GXYLT2: variants seen among roughly 807,000 people sequenced by gnomAD.
The protein encoded by GXYLT2 is glucoside xylosyltransferase 2.
GXYLT2 carries 53 observed loss-of-function variants against 45.8 expected under a neutral mutation model. The ratio of observed to expected loss-of-function variants is 1.16; its 90% CI spans 0.93 to 1.46. The LOEUF is 1.46. Among genes scored for constraint, GXYLT2 ranks in the 40% most tolerant of loss-of-function variants. GXYLT2 has a pLI of 0.00. For synonymous variants in GXYLT2, 219 were observed against 214.2 expected, an observed-to-expected ratio of 1.02 and a Z score of -0.19; for missense variants, 551 against 544.4, an observed-to-expected ratio of 1.01 and a Z score of -0.12.
At chr3:72,928,900 G>A (rs1440894342) in intron 3 of GXYLT2, 1 of 691,968 alleles carries the variant, frequency 1.4e-6, no homozygotes, top group East Asian at 2.7e-5. Flanking sequence ...TGCTTGGACG[G>A]AACCCGGCGT....
intron 3 of GXYLT2, among the ~76,000 whole-genome samples, chr3:72,953,435 G>T (rs138646648): frequency 6.6e-6 from 1 of 152,000 alleles, no homozygotes; most frequent in East Asian, 1.9e-4. Flanking sequence ...GACTATAGAC[G>T]CATGCCACCA....
At chr3:72,943,843 T>C (rs539193254) in intron 3 of GXYLT2, among the ~76,000 whole-genome samples, 1 of 151,412 alleles carries the variant, frequency 6.6e-6, no homozygotes, top group Non-Finnish European at 1.5e-5. Flanking sequence ...CACCTTTCCA[T>C]TGAGAGCATC....
chr3:72,914,542 TGTGTGC>T (rs1396357372), intron 2 of GXYLT2, among the ~76,000 whole-genome samples: 1 of 151,100 alleles, frequency 6.6e-6, no homozygotes, highest in African/African-American at 2.5e-5. Context: ...TGTGTGTGTG[TGTGTGC>T]GCGCGCGCGC....
intron 2 of GXYLT2, among the ~76,000 whole-genome samples, chr3:72,915,691 G>A (rs1180262051): frequency 6.6e-6 from 1 of 152,046 alleles, no homozygotes; most frequent in Non-Finnish European, 1.5e-5. Flanking sequence ...ACAAAAATTA[G>A]CCCATGTTGT....
chr3:72,975,868 T>TG lies in GXYLT2; in HGVS notation c.*712dup, dbSNP rs1274610970. On this transcript the variant is annotated 3_prime_UTR_variant, in exon 7 of 7. Transcript: ENST00000389617. ...CATCTGAGAGAATCATTCAGATACT[T>TG]GGGTAGTGTTAAAGGATGAAGCATG... is the stretch of plus-strand genomic sequence containing the variant. 1 of 152,060 alleles carries TG rather than the reference T, an allele frequency of 6.6e-6. No individual in the cohort carries two copies. The highest frequency in any genetic ancestry group is 1.5e-5 in the Non-Finnish European group (1 of 68,022). 9.4% of individuals were successfully genotyped at this position (152,060 alleles called of 1,614,324 possible). A position where few individuals can be genotyped will look rare whatever the true frequency, so the allele number is the denominator to read the frequency against.
At chr3:72,952,093 C>G (rs1710539922) in intron 3 of GXYLT2, among the ~76,000 whole-genome samples, 1 of 151,704 alleles carries the variant, frequency 6.6e-6, no homozygotes, top group African/African-American at 2.4e-5. Context: ...ACGCTCACCT[C>G]CCGGGCTCAA....
chr3:72,957,550 G>A lies in GXYLT2; in HGVS notation c.976+198G>A, dbSNP rs1021100004. Among the ~76,000 whole-genome samples, 4 of 152,114 alleles carry A rather than the reference G, an allele frequency of 2.6e-5. No individual in the cohort carries two copies. In the East Asian group the frequency reaches 5.8e-4, roughly 22 times the overall value. ...GGGCCTTGCACTACTGACACAAAAG[G>A]CCAAATGTTGAAACTTCCAACACTG... On this transcript the variant is annotated intron_variant, in intron 5 of 6. Transcript: ENST00000389617.
chr3:72,942,275 A>G (rs997768712), intron 3 of GXYLT2, among the ~76,000 whole-genome samples: 1 of 152,100 alleles, frequency 6.6e-6, no homozygotes, highest in African/African-American at 2.4e-5. Flanking sequence ...TAAAAAAATA[A>G]ATACATAACT....
At chr3:72,965,172 C>T (rs1710840305) in intron 5 of GXYLT2, among the ~76,000 whole-genome samples, 1 of 152,144 alleles carries the variant, frequency 6.6e-6, no homozygotes, top group Non-Finnish European at 1.5e-5. Context: ...AGAGAAATGT[C>T]ACAGTGTGTT....
chr3:72,908,429 C>G lies in GXYLT2; in HGVS notation c.338C>G (p.Ala113Gly). 1 of 1,613,846 alleles carries G rather than the reference C, an allele frequency of 6.2e-7. No homozygotes were observed. Among genetic ancestry groups the G allele is most frequent in the Non-Finnish European group, 8.5e-7 (1 of 1,179,844 alleles). The change falls in exon 2 of 7, where the codon GCT (alanine) becomes GGT (glycine). Residue 113 changes from alanine (A) to glycine (G), a missense_variant. By Grantham distance (60) the Ala-to-Gly change is moderately conservative (BLOSUM62 0). Transcript: ENST00000389617. ...VLPPELWIHL[A>G]VVACGNRLEE... ...CCACCCGAGCTCTGGATCCACCTGG[C>G]TGTGGTGGCCTGTGGCAATCGGCTG...
rs1162206169 is a variant in GXYLT2 at position 72,908,276 on chromosome 3, T to A, written c.276-91T>A. On this transcript the variant is annotated intron_variant, in intron 1 of 6. Coordinates refer to ENST00000389617, the MANE Select transcript of GXYLT2 (RefSeq NM_001080393.2). ...TAACAGATTGTGCCTGATCATGTTTTGAAATGTTCTAACCATTCACTCGCC... is the reference window on the plus strand; with the variant it reads ...TAACAGATTGTGCCTGATCATGTTTAGAAATGTTCTAACCATTCACTCGCC... 6 of 823,812 alleles carry A rather than the reference T, an allele frequency of 7.3e-6. No homozygotes were observed. The East Asian group carries it at 1.6e-4, about 22-fold the overall frequency. 51.0% of individuals were successfully genotyped at this position (823,812 alleles called of 1,614,324 possible). A position where few individuals can be genotyped will look rare whatever the true frequency, so the allele number is the denominator to read the frequency against.
chr3:72,970,883 T>G, intron 6 of GXYLT2, among the ~76,000 whole-genome samples: 1 of 152,140 alleles, frequency 6.6e-6, no homozygotes, highest in East Asian at 1.9e-4. Flanking sequence ...AAAAGCAATT[T>G]CTAGAGTTGA....
rs1292625941 is a variant in GXYLT2 at position 72,973,240 on chromosome 3, G to A, written c.1150-1737G>A. On this transcript the variant is annotated intron_variant, in intron 6 of 6. Transcript: ENST00000389617. Reference sequence around the variant, plus strand: ...GGGGCACCAGGGAGGCTGCTTGTAAGTCCTAGACTTATCAGATGGAGGCAG... The same window carrying A: ...GGGGCACCAGGGAGGCTGCTTGTAAATCCTAGACTTATCAGATGGAGGCAG... Among the ~76,000 whole-genome samples the A allele has an allele frequency of 2.6e-5, 4 of 152,332 alleles. No individual in the cohort carries two copies. The South Asian group carries it at 6.2e-4, about 24-fold the overall frequency.
At chr3:72,959,242 C>T (rs1157965942) in intron 5 of GXYLT2, among the ~76,000 whole-genome samples, 7 of 150,826 alleles carry the variant, frequency 4.6e-5, no homozygotes, top group Non-Finnish European at 8.9e-5. Flanking sequence ...CTCAGCCTCC[C>T]GAGTAGCTGG....
At chr3:72,922,429 G>A in intron 3 of GXYLT2, 94 bp downstream of exon 3, 11 of 1,245,448 alleles carry the variant, frequency 8.8e-6, no homozygotes, top group Non-Finnish European at 1.2e-5. Flanking sequence ...CTTAACAGCT[G>A]AAAACCTGTG....
At chr3:72,915,243 CT>C (rs1236212089) in intron 2 of GXYLT2, among the ~76,000 whole-genome samples, 2 of 147,802 alleles carry the variant, frequency 1.4e-5, no homozygotes, top group Non-Finnish European at 3.0e-5. Context: ...GTTTTTTTTC[CT>C]TTAAAGAAAG....
intron 3 of GXYLT2, among the ~76,000 whole-genome samples, chr3:72,940,407 G>A (rs1241613398): frequency 6.6e-6 from 1 of 152,152 alleles, no homozygotes; most frequent in Non-Finnish European, 1.5e-5. Context: ...AGAAAAAAGA[G>A]TTTAAAGAGT....
intron 1 of GXYLT2, among the ~76,000 whole-genome samples, chr3:72,907,699 G>C (rs1709537875): frequency 6.6e-6 from 1 of 151,992 alleles, no homozygotes; most frequent in Admixed American, 6.6e-5. Flanking sequence ...TCTCCTGCCT[G>C]TTTCTCATTA....
chr3:72,941,438 C>A (rs895377614), intron 3 of GXYLT2, among the ~76,000 whole-genome samples: 37 of 152,138 alleles, frequency 2.4e-4, no homozygotes, highest in Admixed American at 1.0e-3. Flanking sequence ...CATGAATTTC[C>A]CATTCCAGCC....
Sources: gnomAD v4.1 joint callset for allele counts (sites outside exome capture counted in the v4.1 genomes callset) on GRCh38, gnomAD v4.1.1 for gene constraint, MANE v1.5 for transcripts, NCBI Gene and HGNC (gene_info 2026-07-23, HGNC 2026-07-21) for gene names.